Variants in NXPE2 observed in about 807,000 individuals in gnomAD.
NXPE2 encodes the protein neurexophilin and PC-esterase domain family member 2.
NXPE2 carries 34 observed loss-of-function variants against 34.4 expected under a neutral mutation model. The observed-to-expected ratio is 0.99, with a 90% CI of 0.75 to 1.31. The LOEUF (loss-of-function observed/expected upper bound fraction) is 1.31. Ranked by LOEUF, NXPE2 falls within the 40% of genes most tolerant of loss-of-function variation. The probability of loss-of-function intolerance (pLI) is 0.00; values close to 1 mark genes in which losing one functional copy is unlikely to be tolerated. For missense variants in NXPE2, 649 were observed against 672.5 expected (o/e 0.97, Z 0.39); for synonymous variants, 235 against 231.3 (o/e 1.02, Z -0.15).
chr11:114,662,375 T>C, the NXPE2 span, among the ~76,000 whole-genome samples: 1 of 152,144 alleles, frequency 6.6e-6, no homozygotes, highest in African/African-American at 2.4e-5. Flanking sequence ...GAATTACCCA[T>C]CCGGGTTGTT....
chr11:114,560,273 CTTTT>C, the NXPE2 span, among the ~76,000 whole-genome samples: 7 of 135,132 alleles, frequency 5.2e-5, no homozygotes, highest in Non-Finnish European at 6.3e-5. Context: ...CTTTTTTTTT[CTTTT>C]TTTTTTTTTT....
chr11:114,654,862 T>C, the NXPE2 span, among the ~76,000 whole-genome samples: 1 of 152,180 alleles, frequency 6.6e-6, no homozygotes, highest in Non-Finnish European at 1.5e-5. Flanking sequence ...GGTCAAATGG[T>C]ATTTCTGGTT....
At chr11:114,801,687 G>C in the NXPE2 span, among the ~76,000 whole-genome samples, 1 of 149,502 alleles carries the variant, frequency 6.7e-6, no homozygotes, top group Non-Finnish European at 1.5e-5. Context: ...AAAAGGAGTA[G>C]GCAGATGGGA....
At chr11:114,610,900 A>G in the NXPE2 span, among the ~76,000 whole-genome samples, 2 of 144,202 alleles carry the variant, frequency 1.4e-5, no homozygotes, top group Non-Finnish European at 3.1e-5. Context: ...TGGGTAATCA[A>G]TGGTACCTGG....
the NXPE2 span, among the ~76,000 whole-genome samples, chr11:114,649,952 T>C: frequency 6.6e-6 from 1 of 152,192 alleles, no homozygotes; most frequent in Non-Finnish European, 1.5e-5. Context: ...TTGAAATGGA[T>C]GAATTATATT....
At chr11:114,615,299 T>G in the NXPE2 span, among the ~76,000 whole-genome samples, 1 of 151,964 alleles carries the variant, frequency 6.6e-6, no homozygotes, top group Non-Finnish European at 1.5e-5. Context: ...TGGTGGATGA[T>G]AAATATTGCC....
At chr11:114,469,744 A>G in the NXPE2 span, among the ~76,000 whole-genome samples, 5 of 152,054 alleles carry the variant, frequency 3.3e-5, no homozygotes, top group African/African-American at 7.3e-5. Flanking sequence ...GCCCACCTCA[A>G]TATATGTCTG....
the NXPE2 span, among the ~76,000 whole-genome samples, chr11:114,799,685 C>G: frequency 1.3e-5 from 2 of 152,134 alleles, no homozygotes; most frequent in African/African-American, 4.8e-5. Context: ...GAGGCTGCAC[C>G]CGTTTAAACA....
At chr11:114,774,346 A>G in the NXPE2 span, among the ~76,000 whole-genome samples, 2 of 152,176 alleles carry the variant, frequency 1.3e-5, no homozygotes, top group Non-Finnish European at 2.9e-5. Flanking sequence ...GTCCTGCAAA[A>G]CTTCTTGTTT....
At chr11:114,566,720 T>G in the NXPE2 span, among the ~76,000 whole-genome samples, 2 of 152,192 alleles carry the variant, frequency 1.3e-5, no homozygotes, top group African/African-American at 4.8e-5. Context: ...TCTCTCTATC[T>G]CTGTATATAT....
At chr11:114,632,019 A>T in the NXPE2 span, among the ~76,000 whole-genome samples, 1 of 147,428 alleles carries the variant, frequency 6.8e-6, no homozygotes, top group Non-Finnish European at 1.5e-5. Context: ...CTAATAGATA[A>T]TAATTATACT....
chr11:114,585,073 G>A, the NXPE2 span, among the ~76,000 whole-genome samples: 1 of 151,992 alleles, frequency 6.6e-6, no homozygotes, highest in Admixed American at 6.5e-5. Context: ...AGGTTGCCCT[G>A]TTCTTTTCAG....
At chr11:114,556,347 G>A in the NXPE2 span, among the ~76,000 whole-genome samples, 5 of 152,164 alleles carry the variant, frequency 3.3e-5, no homozygotes, top group Non-Finnish European at 7.3e-5. Context: ...TTATTCAGCA[G>A]TTGTTCTGTG....
chr11:114,506,509 G>C, the NXPE2 span, among the ~76,000 whole-genome samples: 1 of 152,086 alleles, frequency 6.6e-6, no homozygotes, highest in African/African-American at 2.4e-5. Flanking sequence ...AAATGCAAAA[G>C]AACTGAAATC....
chr11:114,530,026 G>A, the NXPE2 span: 1 of 744,304 alleles, frequency 1.3e-6, no homozygotes, highest in Non-Finnish European at 2.2e-6. Context: ...GGCCTAGAGT[G>A]GTGAGTAGAG....
chr11:114,726,824 C>A, the NXPE2 span, among the ~76,000 whole-genome samples: 1 of 152,066 alleles, frequency 6.6e-6, no homozygotes, highest in Non-Finnish European at 1.5e-5. Flanking sequence ...AAGTTCTTTG[C>A]CACTTTATAA....
the NXPE2 span, chr11:114,595,651 A>G: frequency 6.6e-6 from 1 of 152,302 alleles, no homozygotes; most frequent in East Asian, 1.9e-4. Context: ...AGGTGTTGAG[A>G]ATTTCTTCTG....
chr11:114,753,062 A>G, the NXPE2 span, among the ~76,000 whole-genome samples: 1 of 152,218 alleles, frequency 6.6e-6, no homozygotes, highest in African/African-American at 2.4e-5. Context: ...ATGTTGCATA[A>G]AAGCCAAATG....
the NXPE2 span, among the ~76,000 whole-genome samples, chr11:114,557,634 CATATATATATATATATAT>C: frequency 0.37 from 46,946 of 128,516 alleles, 8,513 homozygotes; most frequent in East Asian, 0.67. Context: ...ATATATAATA[CATATATATATATATATAT>C]ATATATATAT....
Sources: gnomAD v4.1 joint callset for allele counts (sites outside exome capture counted in the v4.1 genomes callset) on GRCh38, gnomAD v4.1.1 for gene constraint, MANE v1.5 for transcripts, NCBI Gene and HGNC (gene_info 2026-07-23, HGNC 2026-07-21) for gene names.